Variants in CAMKK1 observed in about 807,000 individuals in gnomAD.
CAMKK1 encodes calcium/calmodulin dependent protein kinase kinase 1.
A neutral mutation model predicts 63.5 loss-of-function variants in CAMKK1; 20 were observed. The observed-to-expected ratio is 0.32, with a 90% CI of 0.22 to 0.46. CAMKK1 has a LOEUF of 0.46. CAMKK1 is among the 20% of genes least tolerant of loss of function. The pLI is 1.00. For synonymous variants in CAMKK1, 253 were observed against 269.0 expected (o/e 0.94, Z 0.58); for missense variants, 588 against 658.1 (o/e 0.89, Z 1.17).
In CAMKK1 at chr17:3,883,449, A is replaced by G; in HGVS notation, c.494T>C (p.Leu165Pro). ...AMKVLSKKKLLKQYGFPRRPP... is the reference protein window; with the variant it reads ...AMKVLSKKKLPKQYGFPRRPP... Reference sequence around the variant, plus strand: ...CATACGTGGAAAGCCATACTGCTTCAGTAACTTCTTTTTGGAAAGGACTTT... The same window carrying G: ...CATACGTGGAAAGCCATACTGCTTCGGTAACTTCTTTTTGGAAAGGACTTT... Residue 165 changes from leucine to proline, a missense_variant, in exon 5 of 16, where the codon CTG becomes CCG. Leu to Pro is a moderately conservative substitution (Grantham distance 98). Around this residue, in one of 3 missense-constraint regions of CAMKK1, gnomAD observed 357 missense variants for 407.4 expected, o/e 0.88. Coordinates refer to ENST00000348335, the MANE Select transcript of CAMKK1 (RefSeq NM_032294.3). The surrounding 1 kb of genome is among the most constrained non-coding windows in gnomAD (Gnocchi z 4.7). 6.2e-7 allele frequency: 1 copy of G among 1,613,982 alleles called. No homozygotes were observed. The highest frequency in any genetic ancestry group is 8.5e-7 in the Non-Finnish European group (1 of 1,179,832).
Position 3,890,934 on chromosome 17 carries a change from G to A in CAMKK1, c.-44+2005C>T, listed in dbSNP as rs1167599217. Among the ~76,000 whole-genome samples, 2 of 152,092 alleles carry A rather than the reference G, an allele frequency of 1.3e-5. No homozygotes were observed. The highest frequency in any genetic ancestry group is 2.9e-5 in the Non-Finnish European group (2 of 68,000). On this transcript the variant is annotated intron_variant, in intron 1 of 15. Coordinates refer to ENST00000348335, the MANE Select transcript of CAMKK1 (RefSeq NM_032294.3). The surrounding 1 kb of genome is among the most constrained non-coding windows in gnomAD (Gnocchi z 6.5). ...CACTGCTTCGTTTCCCACTATGTGG[G>A]TCTTCCCTGACTCCAGGCTAACACC...
At chr17:3,869,709 A>G (rs2054754497) in intron 13 of CAMKK1, 92 bp downstream of exon 13, 4 of 1,602,498 alleles carry the variant, frequency 2.5e-6, no homozygotes, top group Non-Finnish European at 3.4e-6. Context: ...CAAACCCAAC[A>G]CACATGCATC....
At position 3,892,383 on chromosome 17, in the gene CAMKK1, C is replaced by T. The variant is rs989667356; in HGVS notation, c.-44+556G>A. On this transcript the variant is annotated intron_variant, in intron 1 of 15. Transcript: ENST00000348335. The surrounding 1 kb of genome is among the most constrained non-coding windows in gnomAD (Gnocchi z 7.5). The stretch of plus-strand genomic sequence containing the variant: ...CGCACGTGGACACCCCCCCAGCCAC[C>T]AGCCCTGCGCCTCCCGGGCCCCGAA... 6.6e-6 allele frequency among the ~76,000 whole-genome samples: 1 copy of T among 152,164 alleles called. No homozygotes were observed. The highest frequency in any genetic ancestry group is 1.5e-5 in the Non-Finnish European group (1 of 68,028).
chr17:3,861,822 A>G lies in CAMKK1; in HGVS notation c.*389T>C. 1 of 242,844 alleles carries G rather than the reference A, an allele frequency of 4.1e-6. No individual in the cohort carries two copies. Among genetic ancestry groups the G allele is most frequent in the Admixed American group, 4.8e-5 (1 of 20,622 alleles). The allele number at this position is 242,844 out of a possible 1,614,324, so 15.0% of individuals were successfully genotyped here. A position where few individuals can be genotyped will look rare whatever the true frequency, so the allele number is the denominator to read the frequency against. ...GCCAGGCCTGCCCGGCCCCAGCGGGAGGTCTCTTCCGTTGTGGTAAGCCTG... is the reference window on the plus strand; with the variant it reads ...GCCAGGCCTGCCCGGCCCCAGCGGGGGGTCTCTTCCGTTGTGGTAAGCCTG... On this transcript the variant is annotated 3_prime_UTR_variant, in exon 16 of 16. Transcript: ENST00000348335.
intron 10 of CAMKK1, among the ~76,000 whole-genome samples, chr17:3,874,158 C>G (rs2055035628): frequency 1.3e-5 from 2 of 152,196 alleles, no homozygotes; most frequent in Admixed American, 1.3e-4. Flanking sequence ...AAACTGACAA[C>G]ATTCTACAAA....
rs866639311 is a variant in CAMKK1, at chr17:3,871,361, T to G, written c.1124+1193A>C. Among the ~76,000 whole-genome samples, 628 of 115,536 alleles carry G rather than the reference T, an allele frequency of 5.4e-3. 7 individuals carry two copies. Among genetic ancestry groups the G allele is most frequent in the South Asian group, 0.022 (71 of 3,260 alleles). 75.8% of individuals were successfully genotyped at this position (115,536 alleles called of 152,430 possible). A position where few individuals can be genotyped will look rare whatever the true frequency, so the allele number is the denominator to read the frequency against. ...TTTTTTTTTTTGTTTTTTTTTTTTT[T>G]TTTTTTTTTTTGAGACAGAGTCTCG... On this transcript the variant is annotated intron_variant, in intron 12 of 15. Transcript: ENST00000348335.
Position 3,884,529 on chromosome 17 carries a change from T to A in CAMKK1, c.361-102A>T. 9.4e-7 allele frequency: 1 copy of A among 1,060,642 alleles called. No individual in the cohort carries two copies. The allele number at this position is 1,060,642 out of a possible 1,614,324, so 65.7% of individuals were successfully genotyped here. On this transcript the variant is annotated intron_variant, in intron 2 of 15. Coordinates refer to ENST00000348335, the MANE Select transcript of CAMKK1 (RefSeq NM_032294.3). The surrounding 1 kb of genome is among the most constrained non-coding windows in gnomAD (Gnocchi z 4.5). ...TCCAATTCTGGCCATAAGCTCCTCATTCCCGGACCCCCAGGTCTCACCAAG... is the reference window on the plus strand; with the variant it reads ...TCCAATTCTGGCCATAAGCTCCTCAATCCCGGACCCCCAGGTCTCACCAAG...
At chr17:3,871,546 TG>T (rs1429143041) in intron 12 of CAMKK1, among the ~76,000 whole-genome samples, 4 of 148,424 alleles carry the variant, frequency 2.7e-5, no homozygotes, top group Non-Finnish European at 5.9e-5. Context: ...TTAGTAGAGA[TG>T]GGGTTTCACC....
At position 3,880,032 on chromosome 17, in the gene CAMKK1, A is replaced by G. The variant is rs146472492; in HGVS notation, c.796+314T>C. The G allele has an allele frequency of 5.6e-3, 1,993 of 358,350 alleles. 26 individuals carry two copies. Among genetic ancestry groups the G allele is most frequent in the East Asian group, 0.032 (593 of 18,582 alleles). The allele number at this position is 358,350 out of a possible 1,614,324, so 22.2% of individuals were successfully genotyped here. On this transcript the variant is annotated intron_variant, in intron 9 of 15. Transcript: ENST00000348335. ...TGGACATAAATCCCTTCCTTCCCAC[A>G]TCTCTTGAAGCCCCGTGGCAACGCT...
intron 14 of CAMKK1, 63 bp from the exon 15 acceptor site, chr17:3,866,074 T>C (rs2054509383): frequency 6.3e-7 from 1 of 1,581,782 alleles, no homozygotes; most frequent in Non-Finnish European, 8.6e-7. Context: ...CAGCCTCTGC[T>C]CCGATTCCCC....
chr17:3,867,350 G>A (rs2054571972), intron 14 of CAMKK1, among the ~76,000 whole-genome samples: 1 of 152,198 alleles, frequency 6.6e-6, no homozygotes, highest in African/African-American at 2.4e-5. Flanking sequence ...ATGGCGGGAC[G>A]GTGCACGAGC....
chr17:3,872,275 C>T (rs2054922376), intron 12 of CAMKK1, among the ~76,000 whole-genome samples: 1 of 152,162 alleles, frequency 6.6e-6, no homozygotes, highest in South Asian at 2.1e-4. Context: ...CGCCACTGAC[C>T]CCAGGCAGGC....
chr17:3,891,270 TTAA>T (rs1292332493), intron 1 of CAMKK1, among the ~76,000 whole-genome samples: 1 of 152,148 alleles, frequency 6.6e-6, no homozygotes, highest in Non-Finnish European at 1.5e-5. Flanking sequence ...CTCATACAGT[TTAA>T]TTTCTCGTGG....
chr17:3,892,723 C>G lies in CAMKK1; in HGVS notation c.-44+216G>C, dbSNP rs919282924. On this transcript the variant is annotated intron_variant, in intron 1 of 15. Coordinates refer to ENST00000348335, the MANE Select transcript of CAMKK1 (RefSeq NM_032294.3). The surrounding 1 kb of genome is among the most constrained non-coding windows in gnomAD (Gnocchi z 7.5). The stretch of plus-strand genomic sequence containing the variant: ...CGGGGCACCCGCGGCGATGCGGTCC[C>G]GGCGGCCGGCGCAGACCCGAGCAGA... Among the ~76,000 whole-genome samples, 17 of 152,142 alleles carry G rather than the reference C, an allele frequency of 1.1e-4. No individual in the cohort carries two copies. The highest frequency in any genetic ancestry group is 1.8e-4 in the Non-Finnish European group (12 of 68,002).
Position 3,871,806 on chromosome 17 carries a change from T to C in CAMKK1, c.1124+748A>G, listed in dbSNP as rs1019242549. Among the ~76,000 whole-genome samples the C allele has an allele frequency of 9.9e-5, 15 of 151,462 alleles. No homozygotes were observed. The South Asian group carries it at 1.7e-3, about 17-fold the overall frequency. On this transcript the variant is annotated intron_variant, in intron 12 of 15. Transcript: ENST00000348335. ...GACTACAGATGTGCGCCACCACGCC[T>C]GGCTAATTTTTGTATTTTTAGTAGA... is the stretch of plus-strand genomic sequence containing the variant.
chr17:3,871,647 C>T (rs1382398700), intron 12 of CAMKK1, among the ~76,000 whole-genome samples: 4 of 148,038 alleles, frequency 2.7e-5, no homozygotes, highest in African/African-American at 5.1e-5. Flanking sequence ...TGAGCCGCCG[C>T]ACCCGGCCTT....
At chr17:3,886,015 T>A (rs2055635043) in intron 1 of CAMKK1, among the ~76,000 whole-genome samples, 1 of 152,180 alleles carries the variant, frequency 6.6e-6, no homozygotes, top group African/African-American at 2.4e-5. Context: ...TATTCTGGAA[T>A]CAGGACAGAC....
In CAMKK1 at chr17:3,882,488, C is replaced by G. The variant is rs774294317; in HGVS notation, c.685+40G>C. On this transcript the variant is annotated intron_variant, in intron 7 of 15. Transcript: ENST00000348335. The surrounding 1 kb of genome is among the most constrained non-coding windows in gnomAD (Gnocchi z 4.3). Reference sequence around the variant, plus strand: ...TGTCCCAAGGGAGCCCTTGGGCCAGCCCTGAGTGAGCTGCTGTGGGAATGA... The same window carrying G: ...TGTCCCAAGGGAGCCCTTGGGCCAGGCCTGAGTGAGCTGCTGTGGGAATGA... 3 of 1,600,246 alleles carry G rather than the reference C, an allele frequency of 1.9e-6. No individual in the cohort carries two copies. The Admixed American group carries it at 5.2e-5, about 28-fold the overall frequency.
rs900652015 is a variant in CAMKK1, at chr17:3,889,636, C to G, written c.-44+3303G>C. ...CTGTGGGGCTGGGATGTGGCTGTGT[C>G]TAGAAGCGTCCAAGAGAGCCTTGAT... On this transcript the variant is annotated intron_variant, in intron 1 of 15. Transcript: ENST00000348335. The surrounding 1 kb of genome is among the most constrained non-coding windows in gnomAD (Gnocchi z 5.2). Among the ~76,000 whole-genome samples, 1 of 152,134 alleles carries G rather than the reference C, an allele frequency of 6.6e-6. No homozygotes were observed. Among genetic ancestry groups the G allele is most frequent in the Non-Finnish European group, 1.5e-5 (1 of 68,014 alleles).
Sources: allele counts gnomAD v4.1 joint callset (sites outside exome capture counted in the v4.1 genomes callset), GRCh38; gene constraint gnomAD v4.1.1; regional missense constraint gnomAD v4.1.1; non-coding constraint Gnocchi (gnomAD v3.1); transcripts MANE v1.5; gene names NCBI Gene and HGNC (gene_info 2026-07-23, HGNC 2026-07-21).